Variants in TRIM55 observed in about 807,000 individuals in gnomAD.
TRIM55 encodes the protein tripartite motif containing 55, also known as tripartite motif-containing protein 55.
In TRIM55, 50 loss-of-function variants were observed where a neutral mutation model predicts 60.9. That is an observed-to-expected ratio of 0.82 (90% CI 0.65 to 1.04). The LOEUF is 1.04. TRIM55 is among the 50% of genes least tolerant of loss of function. The probability of loss-of-function intolerance (pLI) is 0.00; values close to 1 mark genes in which losing one functional copy is unlikely to be tolerated. For synonymous variants in TRIM55, 237 were observed against 238.1 expected, an observed-to-expected ratio of 1.00 and a Z score of 0.04; for missense variants, 681 against 666.9, an observed-to-expected ratio of 1.02 and a Z score of -0.23.
chr8:66,155,667 C>T, intron 9 of TRIM55: 1 of 1,613,276 alleles, frequency 6.2e-7, no homozygotes, highest in East Asian at 2.2e-5. Flanking sequence ...TTATTCTTCA[C>T]TACATCTGGA....
intron 9 of TRIM55, among the ~76,000 whole-genome samples, chr8:66,156,077 C>A (rs1028283954): frequency 6.6e-6 from 1 of 152,136 alleles, no homozygotes; most frequent in African/African-American, 2.4e-5. Flanking sequence ...GAGAAAGGAG[C>A]GGCAAAGGAC....
At position 66,149,887 on chromosome 8, in the gene TRIM55, C is replaced by T; in HGVS notation, c.837+9C>T. The T allele has an allele frequency of 6.2e-7, 1 of 1,604,734 alleles. No homozygotes were observed. The highest frequency in any genetic ancestry group is 8.5e-7 in the Non-Finnish European group (1 of 1,171,800). ...TGGCAGTGTTTCTGCAGGTAAGTCT[C>T]TTTTTGGCACCAAAGTAACAACCCA... is the stretch of plus-strand genomic sequence containing the variant. On this transcript the variant is annotated intron_variant, in intron 5 of 9. Transcript: ENST00000315962.
At chr8:66,140,673 C>T (rs1258426844) in intron 4 of TRIM55, among the ~76,000 whole-genome samples, 2 of 152,224 alleles carry the variant, frequency 1.3e-5, no homozygotes, top group Non-Finnish European at 2.9e-5. Context: ...CAAGGCAGGA[C>T]AACATGCAGC....
At chr8:66,173,775 T>C (rs1436628353) in intron 9 of TRIM55, among the ~76,000 whole-genome samples, 1 of 152,240 alleles carries the variant, frequency 6.6e-6, no homozygotes, top group Non-Finnish European at 1.5e-5. Flanking sequence ...ATTTTGCTTA[T>C]GACATAGATT....
At chr8:66,116,838 G>A in the TRIM55 span, among the ~76,000 whole-genome samples, 2 of 152,112 alleles carry the variant, frequency 1.3e-5, no homozygotes, top group Non-Finnish European at 2.9e-5. Context: ...CCAAAATCAG[G>A]CAAAGACATT....
chr8:66,128,550 C>A, intron 2 of TRIM55, 74 bp downstream of exon 2: 1 of 1,474,060 alleles, frequency 6.8e-7, no homozygotes, highest in Non-Finnish European at 9.3e-7. Flanking sequence ...TAATGGGTTG[C>A]TACGCTGAAT....
intron 2 of TRIM55, among the ~76,000 whole-genome samples, chr8:66,129,029 G>A (rs1365716232): frequency 6.6e-6 from 1 of 152,082 alleles, no homozygotes; most frequent in Non-Finnish European, 1.5e-5. Flanking sequence ...CAAAACCCTG[G>A]CCTTTAGGGA....
chr8:66,168,066 C>T (rs894850397), intron 9 of TRIM55, among the ~76,000 whole-genome samples: 6 of 152,162 alleles, frequency 3.9e-5, no homozygotes, highest in African/African-American at 1.2e-4. Flanking sequence ...TGCATTTTAG[C>T]GAGTGTTTTC....
chr8:66,129,390 G>T (rs186547621), intron 2 of TRIM55, among the ~76,000 whole-genome samples: 1 of 152,126 alleles, frequency 6.6e-6, no homozygotes, highest in Non-Finnish European at 1.5e-5. Context: ...GATTCCATTA[G>T]GGGACACGTA....
chr8:66,134,747 C>G (rs13282248), intron 2 of TRIM55, among the ~76,000 whole-genome samples: 2 of 152,122 alleles, frequency 1.3e-5, no homozygotes, highest in African/African-American at 2.4e-5. Flanking sequence ...AGGATCTCCA[C>G]GTCTCTGTCC....
intron 9 of TRIM55, among the ~76,000 whole-genome samples, chr8:66,167,322 C>T (rs1380845829): frequency 2.0e-5 from 3 of 152,176 alleles, no homozygotes; most frequent in Non-Finnish European, 4.4e-5. Flanking sequence ...TAAGAAACCC[C>T]TGTCTGTGAA....
chr8:66,127,686 T>G (rs1338914250), intron 1 of TRIM55, among the ~76,000 whole-genome samples: 1 of 148,940 alleles, frequency 6.7e-6, no homozygotes, highest in Admixed American at 6.7e-5. Flanking sequence ...AAAAAAAAAA[T>G]TAGCTGGGCA....
At chr8:66,154,003 CT>C (rs34117579) in intron 8 of TRIM55, 43 bp from the exon 9 acceptor site, 247,779 of 1,234,464 alleles carry the variant, frequency 0.2, 14,969 homozygotes, top group South Asian at 0.3. Context: ...TCTTCTTCTT[CT>C]TTTTTTTTTT....
upstream of TRIM55, among the ~76,000 whole-genome samples, chr8:66,125,003 G>T (rs577217785): frequency 2.6e-5 from 4 of 152,216 alleles, no homozygotes; most frequent in Non-Finnish European, 5.9e-5. Context: ...TCTACCCACC[G>T]CCCAGCCCCA....
chr8:66,127,528 A>T (rs1808877683), intron 1 of TRIM55, 92 bp downstream of exon 1: 1 of 1,476,790 alleles, frequency 6.8e-7, no homozygotes, highest in East Asian at 2.3e-5. Flanking sequence ...GAAATCCTTT[A>T]AAAAACTTTA....
upstream of TRIM55, among the ~76,000 whole-genome samples, chr8:66,124,177 C>A (rs990000347): frequency 6.6e-6 from 1 of 152,172 alleles, no homozygotes; most frequent in Non-Finnish European, 1.5e-5. Context: ...CAGGGCTTCG[C>A]GACCTCTCAC....
intron 9 of TRIM55, among the ~76,000 whole-genome samples, chr8:66,168,871 G>A (rs757025698): frequency 6.6e-6 from 1 of 152,154 alleles, no homozygotes; most frequent in Non-Finnish European, 1.5e-5. Context: ...TATCTGGCAG[G>A]GGCATACATG....
Position 66,135,051 on chromosome 8 carries a change from T to A in TRIM55, c.403T>A (p.Tyr135Asn), listed in dbSNP as rs1809397859. ...ACATGAAGAGGAGCGCATCAACATC[T>A]ACTGTCTGAACTGCGAAGTACCCAC... Reference protein sequence around the residue: ...EEHEEERINIYCLNCEVPTCS... With the variant: ...EEHEEERININCLNCEVPTCS... Residue 135 changes from tyrosine to asparagine, a missense_variant, in exon 3 of 10, where the codon TAC (tyrosine) becomes AAC (asparagine). By Grantham distance (143) the Tyr-to-Asn change is moderately radical (BLOSUM62 -2). Transcript: ENST00000315962. The A allele has an allele frequency of 6.2e-7, 1 of 1,614,066 alleles. No individual in the cohort carries two copies. Among genetic ancestry groups the A allele is most frequent in the Non-Finnish European group, 8.5e-7 (1 of 1,180,046 alleles).
the TRIM55 span, among the ~76,000 whole-genome samples, chr8:66,117,044 T>C: frequency 6.6e-6 from 1 of 152,328 alleles, no homozygotes; most frequent in African/African-American, 2.4e-5. Flanking sequence ...AAAAAAATCA[T>C]GTGATCATCT....
Sources: gnomAD v4.1 joint callset for allele counts (sites outside exome capture counted in the v4.1 genomes callset) on GRCh38, gnomAD v4.1.1 for gene constraint, MANE v1.5 for transcripts, NCBI Gene and HGNC (gene_info 2026-07-23, HGNC 2026-07-21) for gene names.